Variants in VWA3B observed in about 807,000 individuals in gnomAD.
VWA3B encodes von Willebrand factor A domain-containing protein 3B.
In VWA3B, 138 loss-of-function variants were observed where a neutral mutation model predicts 158.3. The ratio of observed to expected loss-of-function variants is 0.87; its 90% CI spans 0.76 to 1.00. The LOEUF (loss-of-function observed/expected upper bound fraction) is 1.00. Among genes scored for constraint, VWA3B ranks in the 50% least tolerant of loss-of-function variants. The pLI is 0.00. For missense variants in VWA3B, 1,555 were observed against 1,565.1 expected (o/e 0.99, Z 0.11); for synonymous variants, 596 against 587.3 (o/e 1.01, Z -0.21).
At chr2:98,329,647 G>A in the VWA3B span, among the ~76,000 whole-genome samples, 17 of 152,054 alleles carry the variant, frequency 1.1e-4, no homozygotes, top group African/African-American at 3.6e-4. Flanking sequence ...GCTAGGCCAC[G>A]GTGCTCAGTT....
intron 26 of VWA3B, among the ~76,000 whole-genome samples, chr2:98,309,213 G>A (rs935751664): frequency 8.6e-5 from 13 of 151,792 alleles, no homozygotes; most frequent in African/African-American, 2.2e-4. Context: ...TTTAGAGGGA[G>A]TATGATTTAT....
chr2:98,309,602 G>A (rs984656422), intron 26 of VWA3B, among the ~76,000 whole-genome samples: 13 of 152,176 alleles, frequency 8.5e-5, no homozygotes, highest in African/African-American at 3.1e-4. Context: ...GATACCGTGC[G>A]CAGTGTTTAA....
At chr2:98,232,189 C>T (rs1408488954) in intron 16 of VWA3B, among the ~76,000 whole-genome samples, 1 of 152,188 alleles carries the variant, frequency 6.6e-6, no homozygotes, top group African/African-American at 2.4e-5. Context: ...TTGTCCATTT[C>T]AGCTTGGTCG....
At chr2:98,322,656 G>A in the VWA3B span, among the ~76,000 whole-genome samples, 4 of 152,216 alleles carry the variant, frequency 2.6e-5, no homozygotes, top group Non-Finnish European at 5.9e-5. Context: ...TGTGCAGCTT[G>A]GGCAGCAGTA....
At chr2:98,225,108 A>G (rs1259290929) in intron 14 of VWA3B, among the ~76,000 whole-genome samples, 2 of 152,172 alleles carry the variant, frequency 1.3e-5, no homozygotes, top group African/African-American at 4.8e-5. Context: ...GCTAATTTGT[A>G]TTTTTAATAG....
At chr2:98,286,137 C>T (rs1179167371) in intron 22 of VWA3B, among the ~76,000 whole-genome samples, 1 of 151,980 alleles carries the variant, frequency 6.6e-6, no homozygotes, top group Non-Finnish European at 1.5e-5. Context: ...AACATGACAC[C>T]TTGCTGAACT....
intron 14 of VWA3B, among the ~76,000 whole-genome samples, 198 bp downstream of exon 14, chr2:98,218,226 G>A (rs1370810084): frequency 3.9e-5 from 6 of 152,196 alleles, no homozygotes; most frequent in African/African-American, 1.4e-4. Context: ...CACCTGAGCA[G>A]ATTCCTGCAT....
In VWA3B at chr2:98,218,062, A is replaced by G. The variant is rs372657904; in HGVS notation, c.2019+34A>G. The stretch of plus-strand genomic sequence containing the variant: ...TTGGTGGGCTAAGAAGGGAGTGTTC[A>G]TTTGTTTGAGCATTACAGGCTGGCG... On this transcript the variant is annotated intron_variant, in intron 14 of 27. Coordinates refer to ENST00000477737, the MANE Select transcript of VWA3B (RefSeq NM_144992.5). 1.5e-5 allele frequency: 24 copies of G among 1,566,914 alleles called. No individual in the cohort carries two copies. In the African/African-American group the frequency reaches 3.2e-4, roughly 21 times the overall value.
chr2:98,219,784 T>G (rs1215375459), intron 14 of VWA3B, among the ~76,000 whole-genome samples: 1 of 152,130 alleles, frequency 6.6e-6, no homozygotes, highest in Non-Finnish European at 1.5e-5. Context: ...GAGAAACATG[T>G]TTAAAATACT....
At chr2:98,281,412 A>G (rs569427498) in intron 22 of VWA3B, among the ~76,000 whole-genome samples, 1 of 152,332 alleles carries the variant, frequency 6.6e-6, no homozygotes, top group Admixed American at 6.5e-5. Context: ...CTTAAGGACA[A>G]ACGTGGACAA....
At chr2:98,141,434 GGA>G (rs1426519386) in intron 7 of VWA3B, among the ~76,000 whole-genome samples, 1 of 152,068 alleles carries the variant, frequency 6.6e-6, no homozygotes, top group East Asian at 1.9e-4. Flanking sequence ...TGCATTACGT[GGA>G]GAGAGAGGGA....
rs116374407 is a variant in VWA3B, at chr2:98,171,993, C to T, written c.1114+9017C>T. On this transcript the variant is annotated intron_variant, in intron 8 of 27. Transcript: ENST00000477737. ...TGGGCAGGCTGTGGGGTGCCAACCC[C>T]GTGCCAATGTCTAGGAGTGAATGTT... Among the ~76,000 whole-genome samples the T allele has an allele frequency of 2.6e-3, 396 of 152,324 alleles. 3 individuals are homozygous for T. The highest frequency in any genetic ancestry group is 8.7e-3 in the African/African-American group (360 of 41,582).
intron 19 of VWA3B, among the ~76,000 whole-genome samples, chr2:98,243,836 C>T (rs1686227683): frequency 6.6e-6 from 1 of 152,156 alleles, no homozygotes; most frequent in South Asian, 2.1e-4. Flanking sequence ...CAAAGATTCC[C>T]TGTGTGGGAT....
At position 98,312,545 on chromosome 2, in the gene VWA3B, G is replaced by T; in HGVS notation, c.*196G>T. 1.6e-6 allele frequency: 1 copy of T among 626,614 alleles called. No homozygotes were observed. Among genetic ancestry groups the T allele is most frequent in the South Asian group, 2.8e-5 (1 of 35,454 alleles). 38.8% of individuals were successfully genotyped at this position (626,614 alleles called of 1,614,324 possible). Reference sequence around the variant, plus strand: ...CCTACCCGTTTGACGACTTGGTTCTGGCTTTTTCTGACTGTTCTTTATCCT... The same window carrying T: ...CCTACCCGTTTGACGACTTGGTTCTTGCTTTTTCTGACTGTTCTTTATCCT... On this transcript the variant is annotated 3_prime_UTR_variant, in exon 28 of 28. Transcript: ENST00000477737.
intron 7 of VWA3B, among the ~76,000 whole-genome samples, chr2:98,143,269 C>G (rs1676925232): frequency 6.6e-6 from 1 of 152,162 alleles, no homozygotes; most frequent in African/African-American, 2.4e-5. Flanking sequence ...GAACTCCTGA[C>G]CTCAAGTGAT....
chr2:98,324,814 A>G, the VWA3B span, among the ~76,000 whole-genome samples: 2 of 152,164 alleles, frequency 1.3e-5, no homozygotes, highest in African/African-American at 4.8e-5. Flanking sequence ...TATAATAACT[A>G]TGTTCATTAA....
chr2:98,170,935 C>G (rs1446018226), intron 8 of VWA3B, among the ~76,000 whole-genome samples: 1 of 152,150 alleles, frequency 6.6e-6, no homozygotes, highest in Non-Finnish European at 1.5e-5. Context: ...TCTGCCCACT[C>G]CTGTTGTGTG....
chr2:98,104,635 T>C (rs1026001726), intron 2 of VWA3B, among the ~76,000 whole-genome samples: 1 of 152,232 alleles, frequency 6.6e-6, no homozygotes, highest in African/African-American at 2.4e-5. Context: ...TAGTGTTTGA[T>C]TCTATACATT....
intron 14 of VWA3B, 44 bp from the exon 15 acceptor site, chr2:98,228,158 C>CT: frequency 6.4e-7 from 1 of 1,555,050 alleles, no homozygotes; most frequent in Non-Finnish European, 8.7e-7. Flanking sequence ...AATTTGAGCT[C>CT]TTTTTATCTA....
Sources: gnomAD v4.1 joint callset for allele counts (sites outside exome capture counted in the v4.1 genomes callset) on GRCh38, gnomAD v4.1.1 for gene constraint, MANE v1.5 for transcripts, NCBI Gene and HGNC (gene_info 2026-07-23, HGNC 2026-07-21) for gene names.